ZFYVE16: variants seen among roughly 807,000 people sequenced by gnomAD.
ZFYVE16 encodes the protein zinc finger FYVE domain-containing protein 16.
In ZFYVE16, 89 loss-of-function variants were observed where a neutral mutation model predicts 138.1. That is an observed-to-expected ratio of 0.64 (90% CI 0.54 to 0.77). ZFYVE16 has a LOEUF of 0.77. Ranked by LOEUF, ZFYVE16 falls within the 30% of genes least tolerant of loss-of-function variation. The probability of loss-of-function intolerance (pLI) is 0.00; values close to 1 mark genes in which losing one functional copy is unlikely to be tolerated. For missense variants in ZFYVE16, 1,793 were observed against 1,786.7 expected (o/e 1.00, Z -0.06); for synonymous variants, 596 against 618.3 (o/e 0.96, Z 0.53).
At chr5:80,414,646 G>A (rs1260285326) in intron 1 of ZFYVE16, among the ~76,000 whole-genome samples, 2 of 152,124 alleles carry the variant, frequency 1.3e-5, no homozygotes, top group Non-Finnish European at 2.9e-5. Context: ...CCGGGCACTG[G>A]TCAAGACATT....
chr5:80,439,271 T>A lies in ZFYVE16; in HGVS notation c.2322+264T>A, dbSNP rs117960735. ...ATTTAGTTACTAATTTTTGTGACAT[T>A]TAAGAATATTTGTTCTTATCTCTCT... On this transcript the variant is annotated intron_variant, in intron 4 of 18. Transcript: ENST00000505560. 2.9e-4 allele frequency among the ~76,000 whole-genome samples: 44 copies of A among 152,320 alleles called. 1 individual carries two copies. In the East Asian group the frequency reaches 6.7e-3, roughly 23 times the overall value.
intron 11 of ZFYVE16, chr5:80,452,575 T>C (rs567061085): frequency 1.5e-4 from 23 of 152,312 alleles, no homozygotes; most frequent in African/African-American, 5.1e-4. Flanking sequence ...GAGTTTGTTA[T>C]GTTGCCTGCA....
chr5:80,433,107 A>C (rs1328753530), intron 2 of ZFYVE16, among the ~76,000 whole-genome samples: 2 of 152,224 alleles, frequency 1.3e-5, no homozygotes, highest in African/African-American at 2.4e-5. Context: ...AAAGGACTAT[A>C]AATCATGCTG....
chr5:80,444,993 A>G (rs1368506317), intron 6 of ZFYVE16, among the ~76,000 whole-genome samples: 9 of 152,046 alleles, frequency 5.9e-5, no homozygotes, highest in African/African-American at 4.8e-5. Context: ...CTAATATGCT[A>G]TGAATTAGAT....
chr5:80,433,601 A>T (rs568426126), intron 2 of ZFYVE16, among the ~76,000 whole-genome samples: 191 of 152,054 alleles, frequency 1.3e-3, no homozygotes, highest in African/African-American at 4.2e-3. Flanking sequence ...AAAAGTATAT[A>T]AAAAAAACTC....
intron 1 of ZFYVE16, among the ~76,000 whole-genome samples, chr5:80,408,851 C>T (rs1372987792): frequency 6.6e-6 from 1 of 152,170 alleles, no homozygotes; most frequent in African/African-American, 2.4e-5. Flanking sequence ...TTAATCTTTT[C>T]AATTCAAAAA....
In ZFYVE16 at chr5:80,475,692, C is replaced by T. The variant is rs192998341; in HGVS notation, c.4461+862C>T. ...ACTAGCAGACATTCTTTTTTAACAG[C>T]GGCATAGTAGTTGATTATATAAATG... On this transcript the variant is annotated intron_variant, in intron 18 of 18. Coordinates refer to ENST00000505560, the MANE Select transcript of ZFYVE16 (RefSeq NM_001284236.3). 1.4e-4 allele frequency among the ~76,000 whole-genome samples: 21 copies of T among 152,094 alleles called. No individual in the cohort carries two copies. In the East Asian group the frequency reaches 1.9e-3, roughly 14 times the overall value.
intron 15 of ZFYVE16, among the ~76,000 whole-genome samples, chr5:80,460,713 A>G (rs979929917): frequency 6.6e-6 from 1 of 152,170 alleles, no homozygotes. Context: ...TTTTATTTGC[A>G]CAAGAATCCA....
chr5:80,463,720 T>C (rs1164638732), intron 15 of ZFYVE16, among the ~76,000 whole-genome samples: 1 of 152,196 alleles, frequency 6.6e-6, no homozygotes, highest in Non-Finnish European at 1.5e-5. Flanking sequence ...TAAGTTCCAG[T>C]TCCAAAGTAT....
chr5:80,458,820 T>A (rs924690809), intron 14 of ZFYVE16, among the ~76,000 whole-genome samples: 33 of 152,380 alleles, frequency 2.2e-4, no homozygotes, highest in Non-Finnish European at 2.1e-4. Context: ...TGTTCTGATT[T>A]GTGGTGTCAC....
At position 80,474,748 on chromosome 5, in the gene ZFYVE16, C is replaced by T. The variant is rs771278908; in HGVS notation, c.4379C>T (p.Ala1460Val). 11 of 1,613,920 alleles carry T rather than the reference C, an allele frequency of 6.8e-6. No homozygotes were observed. The Middle Eastern group carries it at 8.2e-4, about 121-fold the overall frequency. The change falls in exon 18 of 19, where the codon GCT becomes GTT. Residue 1460 changes from alanine to valine, a missense_variant. Transcript: ENST00000505560. ...FAKEIAMACS[A>V]ALCPHLKTLK... ...AAAGAAATAGCCATGGCTTGTAGTG[C>T]TGCGCTGTGCCCTCACCTGAAAACT... is the stretch of plus-strand genomic sequence containing the variant.
At chr5:80,412,694 C>A (rs565641999) in intron 1 of ZFYVE16, among the ~76,000 whole-genome samples, 7 of 151,996 alleles carry the variant, frequency 4.6e-5, no homozygotes, top group African/African-American at 7.3e-5. Context: ...CTAAAAAATT[C>A]TCTGGCTTTT....
intron 10 of ZFYVE16, 23 bp downstream of exon 10, chr5:80,450,609 G>A (rs1464117825): frequency 1.9e-6 from 3 of 1,603,472 alleles, no homozygotes; most frequent in Non-Finnish European, 2.6e-6. Context: ...ATTTTGAACT[G>A]TTCAGACTGG....
chr5:80,440,013 C>T lies in ZFYVE16; in HGVS notation c.2400C>T (p.Cys800=), dbSNP rs114761271. The change falls in exon 5 of 19, where the codon TGC becomes TGT. Residue 800 remains cysteine (C), a synonymous_variant. Transcript: ENST00000505560. Reference sequence around the variant, plus strand: ...AGGAAGCAAGAGTATGTGTAGTCTGCTATGAAACTATTAGTAAAGGTGAGT... The same window carrying T: ...AGGAAGCAAGAGTATGTGTAGTCTGTTATGAAACTATTAGTAAAGGTGAGT... ...LEKEARVCVV[C]YETISKAQAF... 0.017 allele frequency: 26,781 copies of T among 1,608,470 alleles called. 272 individuals carry two copies. Among genetic ancestry groups the T allele is most frequent in the Non-Finnish European group, 0.02 (23,271 of 1,177,166 alleles).
intron 14 of ZFYVE16, 137 bp downstream of exon 14, chr5:80,457,229 A>G (rs1056707952): frequency 9.8e-5 from 126 of 1,287,992 alleles, no homozygotes; most frequent in Middle Eastern, 1.9e-4. Flanking sequence ...AATTTCAGCT[A>G]CACAACAGAT....
intron 1 of ZFYVE16, among the ~76,000 whole-genome samples, chr5:80,417,569 C>T (rs534961930): frequency 1.3e-5 from 2 of 152,248 alleles, no homozygotes; most frequent in South Asian, 4.1e-4. Flanking sequence ...TAGAATGTTA[C>T]ATAATTAGAA....
At chr5:80,445,473 A>T (rs879163173) in intron 7 of ZFYVE16, 68 bp downstream of exon 7, 10 of 1,313,176 alleles carry the variant, frequency 7.6e-6, no homozygotes, top group South Asian at 1.5e-5. Flanking sequence ...TCCTGGTGTG[A>T]TTATTAGAGT....
chr5:80,410,883 T>C (rs902451922), intron 1 of ZFYVE16, among the ~76,000 whole-genome samples: 1 of 151,884 alleles, frequency 6.6e-6, no homozygotes, highest in Non-Finnish European at 1.5e-5. Context: ...AAACGTGCTG[T>C]ACTTTTTTTT....
intron 2 of ZFYVE16, among the ~76,000 whole-genome samples, chr5:80,431,426 A>G (rs981790891): frequency 1.3e-5 from 2 of 152,268 alleles, no homozygotes; most frequent in African/African-American, 4.8e-5. Flanking sequence ...TTAGGTATTG[A>G]TGAGACGTAT....
Sources: gnomAD v4.1 joint callset for allele counts (sites outside exome capture counted in the v4.1 genomes callset) on GRCh38, gnomAD v4.1.1 for gene constraint, MANE v1.5 for transcripts, NCBI Gene and HGNC (gene_info 2026-07-23, HGNC 2026-07-21) for gene names.